The following PKHD1 variants were observed in gnomAD, a reference collection of about 807,000 sequenced individuals.
PKHD1 encodes the protein PKHD1 ciliary IPT domain containing fibrocystin/polyductin.
In PKHD1, 291 loss-of-function variants were observed where a neutral mutation model predicts 412.0. That is an observed-to-expected ratio of 0.71 (90% CI 0.64 to 0.78). PKHD1 has a LOEUF of 0.78. Ranked by LOEUF, PKHD1 falls within the 30% of genes least tolerant of loss-of-function variation. The pLI is 0.00. For missense variants in PKHD1, 4,825 were observed against 4,950.7 expected (o/e 0.97, Z 0.76); for synonymous variants, 1,777 against 1,821.5 (o/e 0.98, Z 0.62).
At chr6:51,855,676 A>G (rs1236126126) in intron 49 of PKHD1, among the ~76,000 whole-genome samples, 2 of 152,194 alleles carry the variant, frequency 1.3e-5, no homozygotes, top group African/African-American at 4.8e-5. Context: ...ACATAAATAG[A>G]TTCTAAAATT....
In PKHD1 at chr6:51,652,705, A is replaced by G. The variant is rs1307851040; in HGVS notation, c.11175-3485T>C. ...GCCATTCTCCTGCCTCAGCCTCCCA[A>G]GTAGCTGGGACTACAGGCGCCCGCC... is the stretch of plus-strand genomic sequence containing the variant. On this transcript the variant is annotated intron_variant, in intron 61 of 66. Coordinates refer to ENST00000371117, the MANE Select transcript of PKHD1 (RefSeq NM_138694.4). 2.7e-4 allele frequency among the ~76,000 whole-genome samples: 4 copies of G among 14,786 alleles called. 2 individuals carry two copies. The African/African-American group carries it at 3.2e-3, about 12-fold the overall frequency. 9.7% of individuals were successfully genotyped at this position (14,786 alleles called of 152,430 possible).
In PKHD1 at chr6:52,058,486, G is replaced by A. The variant is rs745681995; in HGVS notation, c.1349C>T (p.Ala450Val). ...ATGCTCTGCTTCCAGGTAGTACATG[G>A]CTCCACCCAACAGCTCCAACTTGGG... ...KTPKLELLGG[A>V]MYYLEAEHHG... The change falls in exon 16 of 67, where the codon GCC becomes GTC. Residue 450 changes from alanine to valine, a missense_variant. Transcript: ENST00000371117. 4 of 1,614,030 alleles carry A rather than the reference G, an allele frequency of 2.5e-6. No individual in the cohort carries two copies. The highest frequency in any genetic ancestry group is 3.4e-6 in the Non-Finnish European group (4 of 1,180,024).
intron 47 of PKHD1, among the ~76,000 whole-genome samples, chr6:51,870,302 T>C (rs1056616474): frequency 2.6e-5 from 4 of 152,114 alleles, no homozygotes; most frequent in Non-Finnish European, 4.4e-5. Flanking sequence ...ATAGGCACCA[T>C]AATAGGAGCA....
At chr6:52,054,605 T>C (rs1807418510) in intron 19 of PKHD1, among the ~76,000 whole-genome samples, 1 of 152,190 alleles carries the variant, frequency 6.6e-6, no homozygotes, top group South Asian at 2.1e-4. Context: ...GCAAAGCTGT[T>C]GCCACAAGAA....
intron 37 of PKHD1, among the ~76,000 whole-genome samples, chr6:51,924,683 T>A (rs1271463342): frequency 1.3e-5 from 2 of 152,180 alleles, no homozygotes; most frequent in South Asian, 4.1e-4. Flanking sequence ...TCACAAGTTA[T>A]CTAAGAATTA....
At chr6:52,028,816 A>T (rs762726880) in intron 29 of PKHD1, among the ~76,000 whole-genome samples, 2 of 152,226 alleles carry the variant, frequency 1.3e-5, no homozygotes, top group Non-Finnish European at 2.9e-5. Context: ...CTGGCTTAAC[A>T]ACTCTTTTAA....
rs143323779 is a variant in PKHD1, at chr6:51,755,091, C to T, written c.8643-153G>A. Among the ~76,000 whole-genome samples, 43 of 152,172 alleles carry T rather than the reference C, an allele frequency of 2.8e-4. No homozygotes were observed. The East Asian group carries it at 5.4e-3, about 19-fold the overall frequency. ...AGACATGGCAGTGGAAAAAGGCTTT[C>T]GCAAACAGTTTAATTTAGCTAATGG... On this transcript the variant is annotated intron_variant, in intron 55 of 66. Coordinates refer to ENST00000371117, the MANE Select transcript of PKHD1 (RefSeq NM_138694.4).
At chr6:51,889,755 A>G (rs1038802881) in intron 43 of PKHD1, among the ~76,000 whole-genome samples, 1 of 152,176 alleles carries the variant, frequency 6.6e-6, no homozygotes, top group Admixed American at 6.5e-5. Context: ...CAGGTGATTG[A>G]GAGAGTAACG....
chr6:52,064,952 T>C lies in PKHD1; in HGVS notation c.976+3A>G. On this transcript the variant is annotated splice_donor_region_variant and intron_variant, in intron 13 of 66. Transcript: ENST00000371117. ...TATTGAACAGCCCTGGTGGCTTCCT[T>C]ACCTGGCTGAGGGGTGGTGAGCCTC... The C allele has an allele frequency of 6.4e-7, 1 of 1,573,682 alleles. No homozygotes were observed. Among genetic ancestry groups the C allele is most frequent in the South Asian group, 1.1e-5 (1 of 90,158 alleles).
chr6:51,623,069 C>T (rs1766825381), intron 66 of PKHD1, among the ~76,000 whole-genome samples: 1 of 152,034 alleles, frequency 6.6e-6, no homozygotes, highest in Non-Finnish European at 1.5e-5. Flanking sequence ...TACCCATTTC[C>T]ACTATCATAA....
rs1294793896 is a variant in PKHD1, at chr6:51,619,058, C to A, written c.*23G>T. On this transcript the variant is annotated 3_prime_UTR_variant, in exon 67 of 67. Coordinates refer to ENST00000371117, the MANE Select transcript of PKHD1 (RefSeq NM_138694.4). ...TACTGGGAACATTCTGCCTTTCAGG[C>A]CAAATGCCCCCAACTTCCCTGATCA... 3 of 1,609,746 alleles carry A rather than the reference C, an allele frequency of 1.9e-6. No homozygotes were observed. The African/African-American group carries it at 4.0e-5, about 22-fold the overall frequency.
rs767695967 is a variant in PKHD1, at chr6:52,058,330, T to G, written c.1505A>C (p.Glu502Ala). The G allele has an allele frequency of 1.2e-6, 2 of 1,614,010 alleles. No individual in the cohort carries two copies. The highest frequency in any genetic ancestry group is 1.3e-5 in the African/African-American group (1 of 74,928). ...CTGGAAAGAGACACAGACCTGTACT[T>G]CTGGAAGCCTCTGGGCTCGGACTCG... is the stretch of plus-strand genomic sequence containing the variant. ...QIRVRAQRLP[E>A]VQVLNVSGRG... The change falls in exon 16 of 67, where the codon GAA (glutamate) becomes GCA (alanine). Residue 502 changes from glutamate to alanine, a missense_variant. By Grantham distance (107) the Glu-to-Ala change is moderately radical. Transcript: ENST00000371117.
Position 52,053,211 on chromosome 6 carries a change from G to T in PKHD1, c.2005C>A (p.Arg669Ser). 1.9e-6 allele frequency: 3 copies of T among 1,614,184 alleles called. No homozygotes were observed. The highest frequency in any genetic ancestry group is 2.5e-6 in the Non-Finnish European group (3 of 1,180,014). Residue 669 changes from arginine to serine, a missense_variant, in exon 21 of 67, where the codon CGT (arginine) becomes AGT (serine). By Grantham distance (110) the Arg-to-Ser change is moderately radical. Transcript: ENST00000371117. ...GGGGGCTGGAGATCCCCGAAGCAACGCACACAAGTCTCCCAGAGGTCAGTG... is the reference window on the plus strand; with the variant it reads ...GGGGGCTGGAGATCCCCGAAGCAACTCACACAAGTCTCCCAGAGGTCAGTG... ...DCTDLWETCV[R>S]CFGDLQPPPA...
chr6:51,997,997 C>T (rs1312665797), intron 35 of PKHD1, among the ~76,000 whole-genome samples: 1 of 152,190 alleles, frequency 6.6e-6, no homozygotes, highest in East Asian at 1.9e-4. Flanking sequence ...GGGTCTGCCA[C>T]AAGGCTGCAG....
intron 12 of PKHD1, among the ~76,000 whole-genome samples, chr6:52,065,264 T>C (rs1809508825): frequency 6.7e-6 from 1 of 149,372 alleles, no homozygotes; most frequent in African/African-American, 2.5e-5. Flanking sequence ...AGGCTCCTAT[T>C]CTAAGGCAAA....
intron 37 of PKHD1, among the ~76,000 whole-genome samples, chr6:51,928,133 G>C (rs1346098287): frequency 6.6e-6 from 1 of 152,160 alleles, no homozygotes; most frequent in African/African-American, 2.4e-5. Flanking sequence ...AAGGATTAGA[G>C]GAAGAGTGAG....
At chr6:51,704,843 G>C (rs534917383) in intron 60 of PKHD1, among the ~76,000 whole-genome samples, 3 of 152,064 alleles carry the variant, frequency 2.0e-5, no homozygotes, top group Non-Finnish European at 4.4e-5. Context: ...ATAGTTGAAG[G>C]CCTGGGCTTT....
intron 37 of PKHD1, among the ~76,000 whole-genome samples, chr6:51,916,384 G>T (rs9463737): frequency 1.3e-5 from 2 of 151,992 alleles, no homozygotes; most frequent in African/African-American, 4.8e-5. Flanking sequence ...GAAATCTTTG[G>T]TTTTTTATTT....
chr6:51,742,848 C>T (rs1784727828), intron 60 of PKHD1, among the ~76,000 whole-genome samples: 1 of 152,120 alleles, frequency 6.6e-6, no homozygotes, highest in Non-Finnish European at 1.5e-5. Context: ...AAAATGATCT[C>T]ATGATTATTT....
Sources: allele counts gnomAD v4.1 joint callset (sites outside exome capture counted in the v4.1 genomes callset), GRCh38; gene constraint gnomAD v4.1.1; transcripts MANE v1.5; gene names NCBI Gene and HGNC (gene_info 2026-07-23, HGNC 2026-07-21).